Variants in XYLT1 observed in about 807,000 individuals in gnomAD.
XYLT1 encodes the protein xylosyltransferase 1.
XYLT1 carries 36 observed loss-of-function variants against 91.3 expected under a neutral mutation model. The observed-to-expected ratio is 0.39, with a 90% confidence interval of 0.30 to 0.52. The LOEUF is 0.52. Ranked by LOEUF, XYLT1 falls within the 20% of genes least tolerant of loss-of-function variation. The pLI is 0.68. For synonymous variants in XYLT1, 588 were observed against 532.0 expected, an observed-to-expected ratio of 1.11 and a Z score of -1.45; for missense variants, 1,242 against 1,284.5, an observed-to-expected ratio of 0.97 and a Z score of 0.51.
intron 3 of XYLT1, among the ~76,000 whole-genome samples, chr16:17,219,120 A>G (rs1033124731): frequency 1.3e-5 from 2 of 151,984 alleles, no homozygotes; most frequent in African/African-American, 2.4e-5. Context: ...TGTATCTACT[A>G]AAAATACAAA....
intron 3 of XYLT1, among the ~76,000 whole-genome samples, chr16:17,233,760 A>T (rs955229652): frequency 2.6e-5 from 4 of 152,174 alleles, no homozygotes; most frequent in Non-Finnish European, 5.9e-5. Context: ...GCTTTACACT[A>T]TCGTGGAGCT....
intron 2 of XYLT1, among the ~76,000 whole-genome samples, chr16:17,318,790 C>CTTTTTTTTTTTTTTTTT (rs58376375): frequency 7.0e-6 from 1 of 142,642 alleles, no homozygotes. Flanking sequence ...TCTGCTTACT[C>CTTTTTTTTTTTTTTTTT]TTTTTTTTTT....
chr16:17,413,141 G>A (rs1195377084), intron 1 of XYLT1, among the ~76,000 whole-genome samples: 1 of 152,228 alleles, frequency 6.6e-6, no homozygotes, highest in Non-Finnish European at 1.5e-5. Flanking sequence ...AGTGAATACA[G>A]CCCAAAGAGA....
intron 3 of XYLT1, among the ~76,000 whole-genome samples, chr16:17,229,251 G>A (rs1259412238): frequency 6.6e-6 from 1 of 152,206 alleles, no homozygotes; most frequent in Non-Finnish European, 1.5e-5. Flanking sequence ...ATGTGCAAAA[G>A]GCCTCCTGAA....
At chr16:17,432,575 T>C (rs59207633) in intron 1 of XYLT1, among the ~76,000 whole-genome samples, 8,541 of 152,236 alleles carry the variant, frequency 0.056, 327 homozygotes, top group African/African-American at 0.097. Flanking sequence ...GAAAATGTCC[T>C]AAAACTAGAT....
chr16:17,118,052 C>T (rs1852439105), intron 10 of XYLT1, 73 bp from the exon 11 acceptor site: 2 of 1,470,916 alleles, frequency 1.4e-6, no homozygotes, highest in South Asian at 2.7e-5. Flanking sequence ...GGTCTAGGAT[C>T]CCCTTTGTTA....
At chr16:17,279,265 T>C (rs1275613809) in intron 2 of XYLT1, among the ~76,000 whole-genome samples, 1 of 152,344 alleles carries the variant, frequency 6.6e-6, no homozygotes, top group East Asian at 1.9e-4. Context: ...TTCCCAGCTG[T>C]AGCCAGCTCA....
chr16:17,406,018 C>A (rs1008015095), intron 1 of XYLT1, among the ~76,000 whole-genome samples: 1 of 152,094 alleles, frequency 6.6e-6, no homozygotes, highest in Non-Finnish European at 1.5e-5. Flanking sequence ...AACCCCACTT[C>A]TACTAAAAAT....
At chr16:17,144,763 A>C (rs2031088325) in intron 6 of XYLT1, among the ~76,000 whole-genome samples, 1 of 152,236 alleles carries the variant, frequency 6.6e-6, no homozygotes, top group Non-Finnish European at 1.5e-5. Flanking sequence ...TGTCTCGAGG[A>C]AGAGCTGCCT....
intron 2 of XYLT1, among the ~76,000 whole-genome samples, chr16:17,287,567 T>C (rs73527081): frequency 0.039 from 5,988 of 152,330 alleles, 398 homozygotes; most frequent in African/African-American, 0.14. Flanking sequence ...GGCTGCAATT[T>C]AGCCATTCTG....
At chr16:17,130,301 G>T (rs1400348945) in intron 9 of XYLT1, among the ~76,000 whole-genome samples, 1 of 152,216 alleles carries the variant, frequency 6.6e-6, no homozygotes, top group Admixed American at 6.5e-5. Context: ...ACTGATTTGG[G>T]AGTTGTTTGT....
chr16:17,341,561 AAAGT>A (rs1356514326), intron 2 of XYLT1, among the ~76,000 whole-genome samples: 1 of 152,206 alleles, frequency 6.6e-6, no homozygotes, highest in Non-Finnish European at 1.5e-5. Flanking sequence ...ATTGGTGCAC[AAAGT>A]AATTGCAGTT....
At chr16:17,184,703 G>C (rs2032146353) in intron 5 of XYLT1, among the ~76,000 whole-genome samples, 1 of 152,160 alleles carries the variant, frequency 6.6e-6, no homozygotes, top group African/African-American at 2.4e-5. Context: ...GACAGTGCTG[G>C]TCTAGAGCAT....
chr16:17,224,789 G>A (rs1293975357), intron 3 of XYLT1, among the ~76,000 whole-genome samples: 2 of 152,176 alleles, frequency 1.3e-5, no homozygotes, highest in Admixed American at 6.5e-5. Context: ...TTGTAGCGAG[G>A]TGCATGAGGC....
intron 1 of XYLT1, among the ~76,000 whole-genome samples, chr16:17,400,086 T>G (rs2035944817): frequency 1.3e-5 from 2 of 152,190 alleles, no homozygotes. Context: ...AAATCACAGC[T>G]TCAAACTCTC....
At chr16:17,395,109 A>G (rs1396635339) in intron 1 of XYLT1, among the ~76,000 whole-genome samples, 1 of 152,232 alleles carries the variant, frequency 6.6e-6, no homozygotes, top group Admixed American at 6.5e-5. Context: ...AAGAGGGGCA[A>G]GGCACATCTT....
chr16:17,175,403 A>G (rs2031919639), intron 5 of XYLT1, among the ~76,000 whole-genome samples: 1 of 152,180 alleles, frequency 6.6e-6, no homozygotes, highest in African/African-American at 2.4e-5. Flanking sequence ...CCTTCCCAAC[A>G]TCATCATGAT....
intron 2 of XYLT1, among the ~76,000 whole-genome samples, chr16:17,304,239 C>A (rs929297108): frequency 1.3e-5 from 2 of 152,206 alleles, no homozygotes; most frequent in African/African-American, 2.4e-5. Context: ...GCTGGGATAG[C>A]ATTCCTCCCA....
intron 1 of XYLT1, among the ~76,000 whole-genome samples, chr16:17,376,579 C>T (rs1322698694): frequency 1.3e-5 from 2 of 152,162 alleles, no homozygotes; most frequent in Non-Finnish European, 2.9e-5. Flanking sequence ...ATAATCCCAA[C>T]ACTTTGAGAG....
Sources: gnomAD v4.1 joint callset for allele counts (sites outside exome capture counted in the v4.1 genomes callset) on GRCh38, gnomAD v4.1.1 for gene constraint, MANE v1.5 for transcripts, NCBI Gene and HGNC (gene_info 2026-07-23, HGNC 2026-07-21) for gene names.